The following CHST15 variants were observed in gnomAD, a reference collection of about 807,000 sequenced individuals.
CHST15 encodes carbohydrate sulfotransferase 15, also known as B cell RAG associated protein (GALNAC4S-6ST).
CHST15 carries 30 observed loss-of-function variants against 53.6 expected under a neutral mutation model. That is an observed-to-expected ratio of 0.56 (90% CI 0.42 to 0.76). CHST15 has a LOEUF of 0.76. CHST15 is among the 30% of genes least tolerant of loss of function. CHST15 has a pLI of 0.00. For synonymous variants in CHST15, 296 were observed against 289.8 expected, an observed-to-expected ratio of 1.02 and a Z score of -0.22; for missense variants, 627 against 740.5, an observed-to-expected ratio of 0.85 and a Z score of 1.78.
At chr10:124,093,010 CCT>C (rs1456032074) in intron 1 of CHST15, among the ~76,000 whole-genome samples, 1 of 152,214 alleles carries the variant, frequency 6.6e-6, no homozygotes, top group Non-Finnish European at 1.5e-5. Flanking sequence ...TGCTCGGTCC[CCT>C]GTCCCCTCGC....
chr10:124,009,136 T>C lies in CHST15; in HGVS notation c.*1013A>G, dbSNP rs141817457. The C allele has an allele frequency of 1.6e-4, 191 of 1,231,860 alleles. 1 individual carries two copies. In the African/African-American group the frequency reaches 2.6e-3, roughly 16 times the overall value. 76.3% of individuals were successfully genotyped at this position (1,231,860 alleles called of 1,614,324 possible). On this transcript the variant is annotated 3_prime_UTR_variant, in exon 8 of 8. Coordinates refer to ENST00000435907, the MANE Select transcript of CHST15 (RefSeq NM_001270764.2). ...TGGGAAGGCAGAGAAATGGAGCCTG[T>C]AGCCGGCCAGAACTAAAAATTAAAA...
rs1229297477 is a variant in CHST15, at chr10:124,046,108, G to A, written c.105C>T (p.Pro35=). ...GGPHHGHQAC[P]TCKGENKILF... Reference sequence around the variant, plus strand: ...GAATTTTGTTTTCTCCTTTGCACGTGGGGCACGCCTGGTGACCGTGATGGG... The same window carrying A: ...GAATTTTGTTTTCTCCTTTGCACGTAGGGCACGCCTGGTGACCGTGATGGG... Residue 35 remains proline (P), a synonymous_variant, in exon 2 of 8, where the codon CCC becomes CCT. Coordinates refer to ENST00000435907, the MANE Select transcript of CHST15 (RefSeq NM_001270764.2). 1.9e-6 allele frequency: 3 copies of A among 1,614,246 alleles called. No individual in the cohort carries two copies. Among genetic ancestry groups the A allele is most frequent in the South Asian group, 2.2e-5 (2 of 91,082 alleles).
At chr10:124,056,777 G>A (rs1024073880) in intron 1 of CHST15, among the ~76,000 whole-genome samples, 1 of 151,198 alleles carries the variant, frequency 6.6e-6, no homozygotes, top group Non-Finnish European at 1.5e-5. Context: ...CCGTACGACC[G>A]GACACTCCGC....
chr10:124,075,467 T>C (rs1002579208), intron 1 of CHST15, among the ~76,000 whole-genome samples: 2 of 152,148 alleles, frequency 1.3e-5, no homozygotes, highest in Admixed American at 1.3e-4. Context: ...CCGGCTCCCT[T>C]TGAGCTCACA....
Position 124,009,891 on chromosome 10 carries a change from C to G in CHST15, c.*258G>C. 2 of 1,282,642 alleles carry G rather than the reference C, an allele frequency of 1.6e-6. No individual in the cohort carries two copies. Among genetic ancestry groups the G allele is most frequent in the Non-Finnish European group, 2.0e-6 (2 of 1,009,680 alleles). 79.5% of individuals were successfully genotyped at this position (1,282,642 alleles called of 1,614,324 possible). A position where few individuals can be genotyped will look rare whatever the true frequency, so the allele number is the denominator to read the frequency against. On this transcript the variant is annotated 3_prime_UTR_variant, in exon 8 of 8. Transcript: ENST00000435907. ...CTGGCTGCATCCCCAAGCTCCAGGA[C>G]GCTCAGAGCAGAGCTGAATTCTTGA... is the stretch of plus-strand genomic sequence containing the variant.
intron 1 of CHST15, among the ~76,000 whole-genome samples, chr10:124,064,540 A>C (rs770074710): frequency 2.6e-5 from 4 of 152,016 alleles, no homozygotes; most frequent in South Asian, 2.1e-4. Flanking sequence ...GAGATCATGA[A>C]ACAACCATAC....
At position 124,009,738 on chromosome 10, in the gene CHST15, G is replaced by A. The variant is rs936499306; in HGVS notation, c.*411C>T. The A allele has an allele frequency of 9.7e-7, 1 of 1,034,456 alleles. No individual in the cohort carries two copies. Among genetic ancestry groups the A allele is most frequent in the South Asian group, 3.4e-5 (1 of 29,074 alleles). 64.1% of individuals were successfully genotyped at this position (1,034,456 alleles called of 1,614,324 possible). A position where few individuals can be genotyped will look rare whatever the true frequency, so the allele number is the denominator to read the frequency against. On this transcript the variant is annotated 3_prime_UTR_variant, in exon 8 of 8. Transcript: ENST00000435907. Reference sequence around the variant, plus strand: ...GAAAAAAAGGGAACGTGAAGTGTAAGTTCCAGCCAGGCCTGTGGCATGACC... The same window carrying A: ...GAAAAAAAGGGAACGTGAAGTGTAAATTCCAGCCAGGCCTGTGGCATGACC...
chr10:124,028,494 T>C (rs1947098498), intron 5 of CHST15, among the ~76,000 whole-genome samples: 1 of 152,186 alleles, frequency 6.6e-6, no homozygotes, highest in Admixed American at 6.5e-5. Context: ...ATCCACCCAT[T>C]TAATGTGAAC....
intron 5 of CHST15, among the ~76,000 whole-genome samples, chr10:124,025,567 C>T (rs993262374): frequency 1.3e-5 from 2 of 152,252 alleles, no homozygotes; most frequent in African/African-American, 4.8e-5. Context: ...TCACCACAAG[C>T]CATGGCCACC....
chr10:124,029,986 C>G (rs1479710083), intron 5 of CHST15, among the ~76,000 whole-genome samples: 2 of 152,224 alleles, frequency 1.3e-5, no homozygotes, highest in East Asian at 3.8e-4. Flanking sequence ...TAGTGTTCCT[C>G]CTGCTCGGAA....
At chr10:124,077,256 T>A (rs1279452000) in intron 1 of CHST15, among the ~76,000 whole-genome samples, 1 of 152,224 alleles carries the variant, frequency 6.6e-6, no homozygotes, top group African/African-American at 2.4e-5. Context: ...CATGTCAGAA[T>A]GACAATCAGA....
intron 1 of CHST15, among the ~76,000 whole-genome samples, chr10:124,060,378 G>A (rs553386135): frequency 3.3e-4 from 50 of 149,896 alleles, no homozygotes; most frequent in African/African-American, 9.8e-4. Flanking sequence ...CCGAATGTGC[G>A]AAGGTGTGCC....
At chr10:124,057,708 C>T (rs775091109) in intron 1 of CHST15, among the ~76,000 whole-genome samples, 1 of 152,214 alleles carries the variant, frequency 6.6e-6, no homozygotes, top group African/African-American at 2.4e-5. Flanking sequence ...GGAAGCCAAA[C>T]AAGCGTGGTA....
chr10:124,079,010 T>G (rs1949158485), intron 1 of CHST15, among the ~76,000 whole-genome samples: 1 of 152,232 alleles, frequency 6.6e-6, no homozygotes, highest in South Asian at 2.1e-4. Flanking sequence ...TTATGGGGAC[T>G]CTGAGCAAGC....
intron 6 of CHST15, among the ~76,000 whole-genome samples, chr10:124,018,027 C>T (rs918081910): frequency 1.1e-4 from 17 of 152,372 alleles, no homozygotes; most frequent in Middle Eastern, 3.4e-3. Flanking sequence ...CTCATCCCTC[C>T]CTCAGTCAGG....
At chr10:124,031,547 G>A (rs530026278) in intron 5 of CHST15, among the ~76,000 whole-genome samples, 1 of 152,292 alleles carries the variant, frequency 6.6e-6, no homozygotes, top group Admixed American at 6.5e-5. Context: ...AAGGCACAAT[G>A]AAAACACGGG....
chr10:124,046,311 C>A lies in CHST15; in HGVS notation c.-99G>T. On this transcript the variant is annotated 5_prime_UTR_variant, in exon 2 of 8. Transcript: ENST00000435907. ...GTCGTGCTAGAAAACCTTAAGAATG[C>A]CTTGTGATCACAGAAGATGGATGGA... 5 of 1,134,670 alleles carry A rather than the reference C, an allele frequency of 4.4e-6. No homozygotes were observed. In the East Asian group the frequency reaches 7.4e-5, roughly 17 times the overall value. 70.3% of individuals were successfully genotyped at this position (1,134,670 alleles called of 1,614,324 possible).
At chr10:124,045,124 A>AC (rs1564882030) in intron 2 of CHST15, among the ~76,000 whole-genome samples, 7,616 of 76,096 alleles carry the variant, frequency 0.1, 658 homozygotes, top group African/African-American at 0.24. Context: ...AAAAAAAAAA[A>AC]AAAAAAAAAA....
intron 1 of CHST15, among the ~76,000 whole-genome samples, chr10:124,061,722 C>A (rs185269257): frequency 6.6e-6 from 1 of 152,086 alleles, no homozygotes; most frequent in Non-Finnish European, 1.5e-5. Context: ...AAATAGAAAA[C>A]GGACTGGGCC....
Sources: gnomAD v4.1 joint callset for allele counts (sites outside exome capture counted in the v4.1 genomes callset) on GRCh38, gnomAD v4.1.1 for gene constraint, MANE v1.5 for transcripts, NCBI Gene and HGNC (gene_info 2026-07-23, HGNC 2026-07-21) for gene names.